The following PRICKLE1 variants were observed in gnomAD, a reference collection of about 807,000 sequenced individuals.
PRICKLE1 encodes the protein prickle planar cell polarity protein 1, also known as prickle-like protein 1.
In PRICKLE1, 14 loss-of-function variants were observed where a neutral mutation model predicts 70.2. The ratio of observed to expected loss-of-function variants is 0.20; its 90% CI spans 0.13 to 0.31. The LOEUF (loss-of-function observed/expected upper bound fraction) is 0.31. Among genes scored for constraint, PRICKLE1 ranks in the 10% least tolerant of loss-of-function variants. The probability of loss-of-function intolerance (pLI) is 1.00; values close to 1 mark genes in which losing one functional copy is unlikely to be tolerated. For missense variants in PRICKLE1, 821 were observed against 1,026.2 expected, an observed-to-expected ratio of 0.80 and a Z score of 2.73; for synonymous variants, 357 against 379.9, an observed-to-expected ratio of 0.94 and a Z score of 0.70.
intron 1 of PRICKLE1, among the ~76,000 whole-genome samples, chr12:42,476,902 G>A (rs566718969): frequency 1.9e-4 from 28 of 151,018 alleles, no homozygotes; most frequent in Non-Finnish European, 3.2e-4. Flanking sequence ...CTCCTGCCTC[G>A]GCCTCCCAAA....
intron 1 of PRICKLE1, among the ~76,000 whole-genome samples, chr12:42,571,907 C>A (rs1940721936): frequency 6.6e-6 from 1 of 152,152 alleles, no homozygotes; most frequent in Admixed American, 6.5e-5. Flanking sequence ...CCATCAGCCC[C>A]TTTCTTGTGA....
At position 42,532,261 on chromosome 12, in the gene PRICKLE1, AC is replaced by A. The variant is rs763518400; in HGVS notation, c.-49+57203del. ...GGAAACAATCAGAGATATGTAAAAA[AC>A]ATCTCTATGTACAGGTGGTCAATGA... On this transcript the variant is annotated intron_variant, in intron 1 of 7. Coordinates refer to ENST00000345127, the MANE Select transcript of PRICKLE1 (RefSeq NM_153026.3). 5.3e-5 allele frequency among the ~76,000 whole-genome samples: 8 copies of A among 152,254 alleles called. No homozygotes were observed. In the East Asian group the frequency reaches 1.3e-3, roughly 26 times the overall value.
intron 2 of PRICKLE1, among the ~76,000 whole-genome samples, 162 bp from the exon 3 acceptor site, chr12:42,470,521 C>T (rs1200782904): frequency 6.6e-6 from 1 of 152,240 alleles, no homozygotes; most frequent in Non-Finnish European, 1.5e-5. Flanking sequence ...CTTCAGATAA[C>T]TAGCACCCAG....
At chr12:42,551,239 G>A (rs1352801679) in intron 1 of PRICKLE1, among the ~76,000 whole-genome samples, 5 of 152,134 alleles carry the variant, frequency 3.3e-5, no homozygotes. Flanking sequence ...TTGTACAGAT[G>A]GTTGTGATCA....
intron 1 of PRICKLE1, among the ~76,000 whole-genome samples, chr12:42,501,379 G>A (rs529399646): frequency 1.3e-5 from 2 of 151,886 alleles, no homozygotes; most frequent in South Asian, 2.1e-4. Context: ...GCATGGAGGC[G>A]CGTGCCTGTA....
chr12:42,588,258 A>T (rs141484335), intron 1 of PRICKLE1, among the ~76,000 whole-genome samples: 1 of 152,352 alleles, frequency 6.6e-6, no homozygotes, highest in Non-Finnish European at 1.5e-5. Context: ...AAAGTACATT[A>T]AAAAATGTCT....
intron 1 of PRICKLE1, among the ~76,000 whole-genome samples, chr12:42,478,495 G>C (rs533836318): frequency 4.9e-4 from 74 of 152,282 alleles, no homozygotes; most frequent in African/African-American, 1.7e-3. Context: ...CCTTTTAACA[G>C]CTACCACCAC....
Position 42,457,386 on chromosome 12 carries a change from G to GCAA in PRICKLE1, c.*2420_*2422dup, listed in dbSNP as rs1475091503. On this transcript the variant is annotated 3_prime_UTR_variant, in exon 8 of 8. Coordinates refer to ENST00000345127, the MANE Select transcript of PRICKLE1 (RefSeq NM_153026.3). ...ATCCATCCTTTATAAGCAACATATT[G>GCAA]CAACAGTCTTTTCTAAAAGGATGCC... 6.6e-6 allele frequency: 1 copy of GCAA among 152,100 alleles called. No individual in the cohort carries two copies. The highest frequency in any genetic ancestry group is 2.4e-5 in the African/African-American group (1 of 41,386). The allele number at this position is 152,100 out of a possible 1,614,324, so 9.4% of individuals were successfully genotyped here. A position where few individuals can be genotyped will look rare whatever the true frequency, so the allele number is the denominator to read the frequency against.
At chr12:42,570,391 G>A (rs1940687741) in intron 1 of PRICKLE1, among the ~76,000 whole-genome samples, 1 of 152,162 alleles carries the variant, frequency 6.6e-6, no homozygotes, top group Non-Finnish European at 1.5e-5. Flanking sequence ...ATTATGATTA[G>A]GCAATTTTGA....
chr12:42,460,659 G>T lies in PRICKLE1; in HGVS notation c.1646C>A (p.Ser549Ter). The T allele has an allele frequency of 6.2e-7, 1 of 1,607,672 alleles. No individual in the cohort carries two copies. The change falls in exon 8 of 8, where the codon TCG (serine) becomes TAG (stop). Residue 549 changes from serine (S) to a stop codon, truncating the protein, a stop_gained. Transcript: ENST00000345127. LOFTEE classifies it low-confidence loss of function (END_TRUNC). ...SLALSNITGA[S>*]VDGENKPRPS... ...CCTTGGCTTGTTTTCTCCATCCACC[G>T]AAGCCCCTAGAAGAGAGGCCAAAAC... is the stretch of plus-strand genomic sequence containing the variant.
At chr12:42,476,794 T>C (rs1938554031) in intron 1 of PRICKLE1, among the ~76,000 whole-genome samples, 1 of 152,086 alleles carries the variant, frequency 6.6e-6, no homozygotes. Flanking sequence ...ACCACGGGCA[T>C]GTGCCACCAC....
At chr12:42,485,480 G>A (rs1341017595) in intron 1 of PRICKLE1, 2 of 152,270 alleles carry the variant, frequency 1.3e-5, no homozygotes, top group South Asian at 2.1e-4. Flanking sequence ...AGACTTCAAA[G>A]GTTACCATTT....
At chr12:42,536,040 C>T (rs1029006941) in intron 1 of PRICKLE1, among the ~76,000 whole-genome samples, 1 of 152,084 alleles carries the variant, frequency 6.6e-6, no homozygotes, top group African/African-American at 2.4e-5. Context: ...AAAGCAACAC[C>T]CGAGTAAAAG....
chr12:42,481,294 G>A (rs1384974575), intron 1 of PRICKLE1, among the ~76,000 whole-genome samples: 1 of 151,996 alleles, frequency 6.6e-6, no homozygotes, highest in Non-Finnish European at 1.5e-5. Flanking sequence ...TAATTGTCAG[G>A]GCCTGCCATT....
At chr12:42,561,905 C>CTTTTTTTTT (rs60450733) in intron 1 of PRICKLE1, among the ~76,000 whole-genome samples, 16 of 87,222 alleles carry the variant, frequency 1.8e-4, no homozygotes, top group South Asian at 4.3e-4. Context: ...TTTTTCTTTT[C>CTTTTTTTTT]TTTTTTTTTT....
intron 1 of PRICKLE1, among the ~76,000 whole-genome samples, chr12:42,504,675 C>T (rs890416596): frequency 2.0e-5 from 3 of 152,076 alleles, no homozygotes; most frequent in Non-Finnish European, 2.9e-5. Context: ...AACACAAGGG[C>T]GGGAATGCAG....
In PRICKLE1 at chr12:42,589,632, G is replaced by C. The variant is rs576131579; in HGVS notation, c.-216C>G. ...CCCAGAAAGTCTCCGTGCCGACCGCGGCGCGTCTCGGGGAAGTCAGCGCAG... is the reference window on the plus strand; with the variant it reads ...CCCAGAAAGTCTCCGTGCCGACCGCCGCGCGTCTCGGGGAAGTCAGCGCAG... On this transcript the variant is annotated 5_prime_UTR_variant, in exon 1 of 8. Transcript: ENST00000345127. This position sits in a 1 kb window ranked among gnomAD's most constrained non-coding sequence, Gnocchi z 5.0. 2 of 152,284 alleles carry C rather than the reference G, an allele frequency of 1.3e-5. No homozygotes were observed. Among genetic ancestry groups the C allele is most frequent in the African/African-American group, 4.8e-5 (2 of 41,428 alleles). 9.4% of individuals were successfully genotyped at this position (152,284 alleles called of 1,614,324 possible).
At chr12:42,557,676 A>G (rs1169712319) in intron 1 of PRICKLE1, among the ~76,000 whole-genome samples, 1 of 152,266 alleles carries the variant, frequency 6.6e-6, no homozygotes, top group African/African-American at 2.4e-5. Context: ...TGCACAATGC[A>G]TGGAAGACTT....
chr12:42,465,887 T>C (rs1011028606), intron 6 of PRICKLE1: 5 of 460,598 alleles, frequency 1.1e-5, no homozygotes, highest in Non-Finnish European at 2.0e-5. Flanking sequence ...TATTGATGGG[T>C]TGATGAAACT....
Sources: gnomAD v4.1 joint callset for allele counts (sites outside exome capture counted in the v4.1 genomes callset) on GRCh38, gnomAD v4.1.1 for gene constraint, Gnocchi (gnomAD v3.1) non-coding constraint, MANE v1.5 for transcripts, NCBI Gene and HGNC (gene_info 2026-07-23, HGNC 2026-07-21) for gene names.